Variants in GRIK4 observed in about 807,000 individuals in gnomAD.
The protein encoded by GRIK4 is glutamate receptor ionotropic, kainate 4.
A neutral mutation model predicts 104.9 loss-of-function variants in GRIK4; 40 were observed. That is an observed-to-expected ratio of 0.38 (90% CI 0.30 to 0.50). GRIK4 has a LOEUF of 0.50. Ranked by LOEUF, GRIK4 falls within the 20% of genes least tolerant of loss-of-function variation. GRIK4 has a pLI of 0.93. For synonymous variants in GRIK4, 485 were observed against 524.9 expected (o/e 0.92, Z 1.04); for missense variants, 1,047 against 1,308.1 (o/e 0.80, Z 3.08).
intron 3 of GRIK4, among the ~76,000 whole-genome samples, chr11:120,790,435 G>T (rs1184994485): frequency 6.6e-6 from 1 of 152,056 alleles, no homozygotes; most frequent in Admixed American, 6.6e-5. Flanking sequence ...GTGGGAATGG[G>T]GTATGAGAAT....
In GRIK4 at chr11:120,750,582, T is replaced by G. The variant is rs1256375378; in HGVS notation, c.83-52111T>G. 2.0e-5 allele frequency among the ~76,000 whole-genome samples: 3 copies of G among 152,286 alleles called. No individual in the cohort carries two copies. In the East Asian group the frequency reaches 5.8e-4, roughly 29 times the overall value. The stretch of plus-strand genomic sequence containing the variant: ...AGGGGTTTTGCCATGTTGGCCAGGC[T>G]GGTCTCAAACTCCTGACCTCAAGTG... On this transcript the variant is annotated intron_variant, in intron 3 of 20. Transcript: ENST00000527524.
chr11:120,651,837 C>T (rs923167100), intron 1 of GRIK4, among the ~76,000 whole-genome samples: 1 of 152,230 alleles, frequency 6.6e-6, no homozygotes, highest in African/African-American at 2.4e-5. Flanking sequence ...CCCCCTTATT[C>T]AGCAAGATGT....
At chr11:120,598,527 A>G (rs1419376132) in intron 1 of GRIK4, among the ~76,000 whole-genome samples, 1 of 152,196 alleles carries the variant, frequency 6.6e-6, no homozygotes, top group African/African-American at 2.4e-5. Context: ...CCACCATATG[A>G]CAAATCTCCC....
intron 3 of GRIK4, among the ~76,000 whole-genome samples, chr11:120,763,653 T>A (rs1951786838): frequency 6.6e-6 from 1 of 152,238 alleles, no homozygotes; most frequent in African/African-American, 2.4e-5. Flanking sequence ...GTCTTTGTTC[T>A]CATTGGTTTC....
rs117082244 is a variant in GRIK4 at position 120,643,937 on chromosome 11, T to C, written c.-158-9748T>C. The stretch of plus-strand genomic sequence containing the variant: ...CCCTGAGCTGCCTACTGCTTAGGCT[T>C]TAGTAATTATCCAGTCTAACAATGC... On this transcript the variant is annotated intron_variant, in intron 1 of 20. Coordinates refer to ENST00000527524, the MANE Select transcript of GRIK4 (RefSeq NM_014619.5). Among the ~76,000 whole-genome samples, 40 of 152,178 alleles carry C rather than the reference T, an allele frequency of 2.6e-4. 1 individual carries two copies. The East Asian group carries it at 7.7e-3, about 29-fold the overall frequency.
intron 6 of GRIK4, among the ~76,000 whole-genome samples, chr11:120,823,225 G>A (rs73580685): frequency 0.052 from 7,886 of 152,270 alleles, 690 homozygotes; most frequent in African/African-American, 0.18. Context: ...GTCACAGTCT[G>A]GCTTGCTTTT....
intron 13 of GRIK4, among the ~76,000 whole-genome samples, chr11:120,915,885 A>G (rs1214220335): frequency 6.6e-6 from 1 of 152,206 alleles, no homozygotes; most frequent in Non-Finnish European, 1.5e-5. Flanking sequence ...GGAGAGTTCC[A>G]TAATTAATCC....
intron 3 of GRIK4, among the ~76,000 whole-genome samples, chr11:120,754,348 T>G (rs1479474062): frequency 6.6e-6 from 1 of 152,212 alleles, no homozygotes; most frequent in East Asian, 1.9e-4. Flanking sequence ...AGACAATGTG[T>G]GGCCTTTTGT....
At chr11:120,963,188 T>G (rs1424697050) in intron 18 of GRIK4, among the ~76,000 whole-genome samples, 1 of 152,186 alleles carries the variant, frequency 6.6e-6, no homozygotes, top group Non-Finnish European at 1.5e-5. Flanking sequence ...AAATTATTTG[T>G]GGATTTCACT....
At position 120,804,232 on chromosome 11, in the gene GRIK4, A is replaced by G. The variant is rs892347900; in HGVS notation, c.247+1375A>G. Among the ~76,000 whole-genome samples, 162 of 152,292 alleles carry G rather than the reference A, an allele frequency of 1.1e-3. 1 individual carries two copies. The highest frequency in any genetic ancestry group is 3.8e-3 in the African/African-American group (157 of 41,554). The stretch of plus-strand genomic sequence containing the variant: ...CTAACCCGTTTCAACCTTTGACCAC[A>G]CTCAGTGGCAAAAATAAGTAAACAA... On this transcript the variant is annotated intron_variant, in intron 4 of 20. Coordinates refer to ENST00000527524, the MANE Select transcript of GRIK4 (RefSeq NM_014619.5).
chr11:120,972,271 C>T (rs965835536), intron 19 of GRIK4, among the ~76,000 whole-genome samples: 2 of 152,060 alleles, frequency 1.3e-5, no homozygotes, highest in Admixed American at 6.6e-5. Flanking sequence ...ATGTGGCACA[C>T]GGAAAGCTGG....
chr11:120,648,627 A>T (rs555927550), intron 1 of GRIK4, among the ~76,000 whole-genome samples: 1 of 152,148 alleles, frequency 6.6e-6, no homozygotes, highest in East Asian at 1.9e-4. Context: ...GCCACCAGAG[A>T]CCTAGGCAGG....
chr11:120,604,252 C>A (rs540191066), intron 1 of GRIK4, among the ~76,000 whole-genome samples: 2 of 151,528 alleles, frequency 1.3e-5, no homozygotes, highest in African/African-American at 4.9e-5. Context: ...GTGCACAGGG[C>A]AGCCCTGCCA....
chr11:120,891,397 G>C (rs1326492817), intron 11 of GRIK4, among the ~76,000 whole-genome samples: 2 of 152,204 alleles, frequency 1.3e-5, no homozygotes, highest in Non-Finnish European at 2.9e-5. Flanking sequence ...ACATGCTTTG[G>C]GGATGCAGAA....
intron 1 of GRIK4, among the ~76,000 whole-genome samples, chr11:120,616,442 T>C (rs916108217): frequency 2.0e-5 from 3 of 152,210 alleles, no homozygotes; most frequent in Admixed American, 1.3e-4. Flanking sequence ...AAATTGGCCG[T>C]GACAGACATG....
At position 120,956,500 on chromosome 11, in the gene GRIK4, T is replaced by C. The variant is rs577516809; in HGVS notation, c.1701-280T>C. On this transcript the variant is annotated intron_variant, in intron 15 of 20. Coordinates refer to ENST00000527524, the MANE Select transcript of GRIK4 (RefSeq NM_014619.5). This position sits in a 1 kb window ranked among gnomAD's most constrained non-coding sequence, Gnocchi z 4.6. ...GATTACAGGCATGAGCCACCGCACC[T>C]GGCCATCCTCTATTCTGTATTTTGG... Among the ~76,000 whole-genome samples the C allele has an allele frequency of 6.6e-6, 1 of 152,338 alleles. No homozygotes were observed. Among genetic ancestry groups the C allele is most frequent in the African/African-American group, 2.4e-5 (1 of 41,582 alleles).
intron 3 of GRIK4, among the ~76,000 whole-genome samples, chr11:120,738,288 G>C (rs1951263070): frequency 6.6e-6 from 1 of 152,258 alleles, no homozygotes; most frequent in Non-Finnish European, 1.5e-5. Flanking sequence ...GGTAACTTCA[G>C]TAAGCACCGT....
intron 1 of GRIK4, among the ~76,000 whole-genome samples, chr11:120,586,283 C>G (rs1482841514): frequency 6.6e-6 from 1 of 151,732 alleles, no homozygotes; most frequent in African/African-American, 2.4e-5. Context: ...GGGGAAGTAC[C>G]AGAATATGCA....
At chr11:120,692,422 C>T (rs1285273689) in intron 3 of GRIK4, among the ~76,000 whole-genome samples, 1 of 152,152 alleles carries the variant, frequency 6.6e-6, no homozygotes, top group Non-Finnish European at 1.5e-5. Context: ...AGCGAGCAGG[C>T]TAGTGGGGGA....
Sources: gnomAD v4.1 joint callset for allele counts (sites outside exome capture counted in the v4.1 genomes callset) on GRCh38, gnomAD v4.1.1 for gene constraint, Gnocchi (gnomAD v3.1) non-coding constraint, MANE v1.5 for transcripts, NCBI Gene and HGNC (gene_info 2026-07-23, HGNC 2026-07-21) for gene names.